FRMD4A: variants seen among roughly 807,000 people sequenced by gnomAD.
The protein encoded by FRMD4A is FERM domain containing 4A.
In FRMD4A, 29 loss-of-function variants were observed where a neutral mutation model predicts 129.1. The observed-to-expected ratio is 0.22, with a 90% confidence interval of 0.17 to 0.31. FRMD4A has a LOEUF of 0.31. Ranked by LOEUF, FRMD4A falls within the 10% of genes least tolerant of loss-of-function variation. FRMD4A has a pLI of 1.00. For synonymous variants in FRMD4A, 634 were observed against 571.6 expected (o/e 1.11, Z -1.56); for missense variants, 1,272 against 1,375.8 (o/e 0.92, Z 1.19).
At chr10:14,201,334 C>A (rs1391639624) in intron 2 of FRMD4A, among the ~76,000 whole-genome samples, 1 of 152,196 alleles carries the variant, frequency 6.6e-6, no homozygotes, top group Admixed American at 6.6e-5. Flanking sequence ...ATATCAAATT[C>A]TCCCGGTTAG....
At chr10:14,054,532 T>A (rs1834417258) in intron 2 of FRMD4A, among the ~76,000 whole-genome samples, 1 of 152,092 alleles carries the variant, frequency 6.6e-6, no homozygotes. Flanking sequence ...CGAGTGTGGA[T>A]CCAAGCTAGA....
intron 3 of FRMD4A, among the ~76,000 whole-genome samples, chr10:13,846,880 G>A (rs1170618136): frequency 6.6e-6 from 1 of 152,202 alleles, no homozygotes; most frequent in Non-Finnish European, 1.5e-5. Context: ...AACGGGGATG[G>A]CCAGGAACAT....
intron 2 of FRMD4A, among the ~76,000 whole-genome samples, chr10:14,243,946 T>A (rs982303679): frequency 6.6e-6 from 1 of 152,060 alleles, no homozygotes; most frequent in Non-Finnish European, 1.5e-5. Context: ...ATCATCAGTA[T>A]CTTCTTCTCA....
intron 2 of FRMD4A, among the ~76,000 whole-genome samples, chr10:14,279,568 CTT>C (rs1467868148): frequency 3.3e-5 from 5 of 152,080 alleles, no homozygotes; most frequent in African/African-American, 9.7e-5. Context: ...AATTTTCTCT[CTT>C]TATACTTCTT....
chr10:13,700,300 C>G (rs958084300), intron 14 of FRMD4A, among the ~76,000 whole-genome samples: 1 of 151,976 alleles, frequency 6.6e-6, no homozygotes, highest in Non-Finnish European at 1.5e-5. Context: ...AATTCGCTCA[C>G]TCTCCTCTTC....
At chr10:13,814,559 C>T (rs1370402828) in intron 3 of FRMD4A, among the ~76,000 whole-genome samples, 8 of 103,936 alleles carry the variant, frequency 7.7e-5, no homozygotes, top group Admixed American at 1.6e-4. Context: ...CCAGCCTGGG[C>T]GATAGAGTGA....
rs2081097335 is a variant in FRMD4A at position 13,646,062 on chromosome 10, G to C, written c.*976C>G. 1 of 152,388 alleles carries C rather than the reference G, an allele frequency of 6.6e-6. No individual in the cohort carries two copies. Among genetic ancestry groups the C allele is most frequent in the African/African-American group, 2.4e-5 (1 of 41,404 alleles). The allele number at this position is 152,388 out of a possible 1,614,324, so 9.4% of individuals were successfully genotyped here. On this transcript the variant is annotated 3_prime_UTR_variant, in exon 25 of 25. Transcript: ENST00000357447. ...AACAGTACCCTCTACGACTCCCACA[G>C]GTCTCTCTTTGTGTCCAGATGGATG...
At chr10:14,113,196 C>T (rs1171926200) in intron 2 of FRMD4A, among the ~76,000 whole-genome samples, 1 of 152,148 alleles carries the variant, frequency 6.6e-6, no homozygotes, top group Non-Finnish European at 1.5e-5. Flanking sequence ...AAAAGTTATA[C>T]AGTTGACTCT....
intron 2 of FRMD4A, among the ~76,000 whole-genome samples, chr10:14,185,633 T>G (rs1463246003): frequency 1.3e-5 from 2 of 152,150 alleles, no homozygotes; most frequent in African/African-American, 2.4e-5. Flanking sequence ...TACTTCATGG[T>G]CAGAGAGCTG....
chr10:13,739,577 T>C (rs962800764), intron 11 of FRMD4A, among the ~76,000 whole-genome samples: 3 of 152,240 alleles, frequency 2.0e-5, no homozygotes, highest in Non-Finnish European at 4.4e-5. Flanking sequence ...TTTTGATCTT[T>C]ACCAAACTGA....
In FRMD4A at chr10:13,651,962, T is replaced by G. The variant is rs2081646085; in HGVS notation, c.3063A>C (p.Glu1021Asp). 1 of 1,584,144 alleles carries G rather than the reference T, an allele frequency of 6.3e-7. No homozygotes were observed. Among genetic ancestry groups the G allele is most frequent in the Non-Finnish European group, 8.7e-7 (1 of 1,152,724 alleles). The change falls in exon 24 of 25, where the codon GAA (glutamate) becomes GAC (aspartate). Residue 1021 changes from glutamate (E) to aspartate (D), a missense_variant. By Grantham distance (45) the Glu-to-Asp change is conservative (BLOSUM62 2). Coordinates refer to ENST00000357447, the MANE Select transcript of FRMD4A (RefSeq NM_018027.5). ...CAGACCCATCCAGAATGGGTGAGTT[T>G]TCTGTTGCTTCTCTGAACAAAGGAA... ...ILTWQTGEAT[E>D]NSPILDGSES... is the part of the protein sequence containing the mutation.
At chr10:13,750,116 G>GAAAT (rs1564739480) in intron 8 of FRMD4A, among the ~76,000 whole-genome samples, 6 of 120,798 alleles carry the variant, frequency 5.0e-5, no homozygotes, top group African/African-American at 1.8e-4. Flanking sequence ...AATGAAGAAA[G>GAAAT]AAAGAAAGAA....
chr10:14,222,260 G>T lies in FRMD4A; in HGVS notation c.45+107798C>A, dbSNP rs539976773. Among the ~76,000 whole-genome samples the T allele has an allele frequency of 5.3e-5, 8 of 152,324 alleles. No homozygotes were observed. In the East Asian group the frequency reaches 1.4e-3, roughly 26 times the overall value. Reference sequence around the variant, plus strand: ...GTTTGGGTTCTTTGTCGACAGGGCCGAATAATTATCAACAAACCTCAGTGA... The same window carrying T: ...GTTTGGGTTCTTTGTCGACAGGGCCTAATAATTATCAACAAACCTCAGTGA... On this transcript the variant is annotated intron_variant, in intron 2 of 24. Coordinates refer to ENST00000357447, the MANE Select transcript of FRMD4A (RefSeq NM_018027.5).
chr10:13,712,476 T>A (rs1027021986), intron 12 of FRMD4A, among the ~76,000 whole-genome samples: 4 of 150,674 alleles, frequency 2.7e-5, no homozygotes, highest in Non-Finnish European at 5.9e-5. Context: ...ATCTTACCAC[T>A]GCACTCCAGC....
At chr10:14,037,868 C>A (rs1833574307) in intron 2 of FRMD4A, among the ~76,000 whole-genome samples, 1 of 152,202 alleles carries the variant, frequency 6.6e-6, no homozygotes, top group Admixed American at 6.5e-5. Flanking sequence ...AGCCAAAATG[C>A]TGTTTCACAA....
intron 2 of FRMD4A, among the ~76,000 whole-genome samples, chr10:14,175,902 T>C (rs1235777439): frequency 6.6e-6 from 1 of 152,190 alleles, no homozygotes; most frequent in South Asian, 2.1e-4. Flanking sequence ...ACCAGACATG[T>C]ACATCCTTTG....
intron 5 of FRMD4A, among the ~76,000 whole-genome samples, chr10:13,787,632 T>A (rs890041350): frequency 3.9e-5 from 6 of 152,060 alleles, no homozygotes; most frequent in African/African-American, 1.4e-4. Context: ...ACTAATTTTT[T>A]ATTTTCTGTC....
intron 2 of FRMD4A, among the ~76,000 whole-genome samples, chr10:13,904,299 C>T (rs2094855221): frequency 1.3e-5 from 2 of 152,198 alleles, no homozygotes; most frequent in Admixed American, 6.5e-5. Context: ...TGCTTTCGCA[C>T]GGCCGTACAT....
chr10:13,720,456 G>A (rs1296840747), intron 12 of FRMD4A, among the ~76,000 whole-genome samples: 1 of 152,150 alleles, frequency 6.6e-6, no homozygotes, highest in Non-Finnish European at 1.5e-5. Flanking sequence ...ATTCTGCTCC[G>A]GCAACTTTTA....
Sources: allele counts gnomAD v4.1 joint callset (sites outside exome capture counted in the v4.1 genomes callset), GRCh38; gene constraint gnomAD v4.1.1; transcripts MANE v1.5; gene names NCBI Gene and HGNC (gene_info 2026-07-23, HGNC 2026-07-21).